ZNF331: variants seen among roughly 807,000 people sequenced by gnomAD.
ZNF331 encodes the protein zinc finger protein 331.
Under a neutral mutation model 7.0 loss-of-function variants are expected in ZNF331, and 2 were observed. That is an observed-to-expected ratio of 0.29 (90% confidence interval 0.12 to 0.90). ZNF331 has a LOEUF of 0.90. Ranked by LOEUF, ZNF331 falls within the 40% of genes least tolerant of loss-of-function variation. The probability of loss-of-function intolerance (pLI) is 0.58; values close to 1 mark genes in which losing one functional copy is unlikely to be tolerated. For synonymous variants in ZNF331, 196 were observed against 205.4 expected, an observed-to-expected ratio of 0.95 and a Z score of 0.39; for missense variants, 432 against 587.7, an observed-to-expected ratio of 0.74 and a Z score of 2.74.
chr19:53,511,492 C>A, the ZNF331 span, among the ~76,000 whole-genome samples: 2 of 151,540 alleles, frequency 1.3e-5, no homozygotes, highest in African/African-American at 4.8e-5. Flanking sequence ...ATCATATGAG[C>A]CAAAAACTAA....
chr19:53,507,154 C>A, the ZNF331 span, among the ~76,000 whole-genome samples: 3 of 152,120 alleles, frequency 2.0e-5, no homozygotes, highest in African/African-American at 4.8e-5. Context: ...TTGTAGATGA[C>A]AAAATGATTT....
Position 53,577,837 on chromosome 19 carries a change from T to C in ZNF331, c.1277T>C (p.Leu426Pro). The C allele has an allele frequency of 6.2e-7, 1 of 1,613,866 alleles. No individual in the cohort carries two copies. The highest frequency in any genetic ancestry group is 8.5e-7 in the Non-Finnish European group (1 of 1,179,998). Reference sequence around the variant, plus strand: ...AAGAGCTTTAGTCACGGCCATCAGCTTACACAACATCAGAAAACGCACAGT... The same window carrying C: ...AAGAGCTTTAGTCACGGCCATCAGCCTACACAACATCAGAAAACGCACAGT... ...CGKSFSHGHQ[L>P]TQHQKTHSGA... is the part of the protein sequence containing the mutation. Residue 426 changes from leucine (L) to proline (P), a missense_variant, in exon 6 of 6, where the codon CTT (leucine) becomes CCT (proline). Coordinates refer to ENST00000449416, the MANE Select transcript of ZNF331 (RefSeq NM_001079906.2).
the ZNF331 span, among the ~76,000 whole-genome samples, chr19:53,506,448 C>CTCTCTG: frequency 1.1e-4 from 5 of 44,788 alleles, no homozygotes; most frequent in East Asian, 6.9e-4. Context: ...CTCTCTGTCT[C>CTCTCTG]TCTCTCTCTC....
rs780864528 is a variant in ZNF331 at position 53,572,323 on chromosome 19, TAAC to T, written c.136+599_136+601del. On this transcript the variant is annotated intron_variant, in intron 5 of 5. Transcript: ENST00000449416. ...AAACTTATTTTTCTTCTAGCAAAAA[TAAC>T]AACAATGATATTAATGGCTAAGCTG... Among the ~76,000 whole-genome samples the T allele has an allele frequency of 1.7e-3, 262 of 151,990 alleles. 1 individual carries two copies. The highest frequency in any genetic ancestry group is 2.1e-3 in the Non-Finnish European group (145 of 67,986).
chr19:53,538,100 G>T (rs2087858640), upstream of ZNF331: 1 of 152,160 alleles, frequency 6.6e-6, no homozygotes, highest in Non-Finnish European at 1.5e-5. Flanking sequence ...GTGCGCGTGC[G>T]CATGCGCGCT....
At chr19:53,545,089 T>A (rs2088503756) in intron 2 of ZNF331, among the ~76,000 whole-genome samples, 1 of 152,232 alleles carries the variant, frequency 6.6e-6, no homozygotes, top group Non-Finnish European at 1.5e-5. Flanking sequence ...TGGATCTCTC[T>A]GTATTATTAT....
rs903108666 is a variant in ZNF331 at position 53,561,348 on chromosome 19, A to C, written c.-74+5440A>C. Reference sequence around the variant, plus strand: ...GGCCTGCTGGCCAAAAAAAAAAAAAAAAAACAAATTAGTCCCTGAGGAGCT... The same window carrying C: ...GGCCTGCTGGCCAAAAAAAAAAAAACAAAACAAATTAGTCCCTGAGGAGCT... On this transcript the variant is annotated intron_variant, in intron 3 of 5. Coordinates refer to ENST00000449416, the MANE Select transcript of ZNF331 (RefSeq NM_001079906.2). Among the ~76,000 whole-genome samples the C allele has an allele frequency of 3.1e-4, 47 of 152,036 alleles. 1 individual carries two copies. Among genetic ancestry groups the C allele is most frequent in the Middle Eastern group, 3.4e-3 (1 of 294 alleles).
At chr19:53,575,139 A>G (rs1329026545) in intron 5 of ZNF331, among the ~76,000 whole-genome samples, 1 of 151,178 alleles carries the variant, frequency 6.6e-6, no homozygotes, top group Non-Finnish European at 1.5e-5. Context: ...GGGTTTTGCT[A>G]TGTTTCCCAG....
chr19:53,537,315 T>C (rs2087796836), upstream of ZNF331: 1 of 152,290 alleles, frequency 6.6e-6, no homozygotes, highest in South Asian at 2.1e-4. Context: ...GTACATTGTT[T>C]ACAATGCAGC....
At position 53,576,693 on chromosome 19, in the gene ZNF331, C is replaced by G. The variant is rs755876770; in HGVS notation, c.137-4C>G. 21 of 1,577,904 alleles carry G rather than the reference C, an allele frequency of 1.3e-5. No individual in the cohort carries two copies. The highest frequency in any genetic ancestry group is 1.7e-5 in the Non-Finnish European group (20 of 1,165,008). ...AGGAAAGAAAATATGTTCTTTTTTCCCAGATTTGGAGTCAGCATATGAAAA... is the reference window on the plus strand; with the variant it reads ...AGGAAAGAAAATATGTTCTTTTTTCGCAGATTTGGAGTCAGCATATGAAAA... On this transcript the variant is annotated splice_region_variant and splice_polypyrimidine_tract_variant and intron_variant, in intron 5 of 5. Coordinates refer to ENST00000449416, the MANE Select transcript of ZNF331 (RefSeq NM_001079906.2).
At chr19:53,506,107 G>T in the ZNF331 span, among the ~76,000 whole-genome samples, 1 of 151,252 alleles carries the variant, frequency 6.6e-6, no homozygotes, top group African/African-American at 2.4e-5. Context: ...AGGCCGAGGC[G>T]GGTGGATCAC....
intron 2 of ZNF331, chr19:53,554,570 G>T (rs959841436): frequency 6.6e-6 from 1 of 152,186 alleles, no homozygotes; most frequent in Non-Finnish European, 1.5e-5. Flanking sequence ...AGGCTGACGC[G>T]GCGGCTCTAT....
the ZNF331 span, among the ~76,000 whole-genome samples, chr19:53,506,410 T>A: frequency 1.2e-5 from 1 of 80,002 alleles, no homozygotes; most frequent in Non-Finnish European, 2.4e-5. Flanking sequence ...ACTCTCTCTC[T>A]CCTCTCTCTC....
intron 2 of ZNF331, among the ~76,000 whole-genome samples, chr19:53,522,958 T>C (rs892028066): frequency 2.4e-4 from 36 of 152,214 alleles, no homozygotes; most frequent in African/African-American, 8.4e-4. Flanking sequence ...GGATTTATTT[T>C]TGGGTGGAAG....
chr19:53,571,473 G>T lies in ZNF331; in HGVS notation c.10-131G>T, dbSNP rs557004303. On this transcript the variant is annotated intron_variant, in intron 4 of 5. Coordinates refer to ENST00000449416, the MANE Select transcript of ZNF331 (RefSeq NM_001079906.2). This position sits in a 1 kb window ranked among gnomAD's most constrained non-coding sequence, Gnocchi z 4.7. ...TCACAGTTACAGTGATGTCCTTACC[G>T]CCCCTTGCCGATGTCACGGGTGTTC... 8.9e-7 allele frequency: 1 copy of T among 1,124,826 alleles called. No individual in the cohort carries two copies. The highest frequency in any genetic ancestry group is 1.3e-6 in the Non-Finnish European group (1 of 778,990). The allele number at this position is 1,124,826 out of a possible 1,614,324, so 69.7% of individuals were successfully genotyped here.
chr19:53,556,341 G>A (rs1474997343), intron 3 of ZNF331, among the ~76,000 whole-genome samples: 1 of 151,790 alleles, frequency 6.6e-6, no homozygotes, highest in Non-Finnish European at 1.5e-5. Flanking sequence ...GAAGAGAGGA[G>A]CCTGGTCACA....
At chr19:53,511,073 A>G in the ZNF331 span, among the ~76,000 whole-genome samples, 1 of 152,198 alleles carries the variant, frequency 6.6e-6, no homozygotes, top group Non-Finnish European at 1.5e-5. Flanking sequence ...CTACTATTCC[A>G]TATCCACAAC....
At chr19:53,508,883 A>T in the ZNF331 span, among the ~76,000 whole-genome samples, 6 of 152,198 alleles carry the variant, frequency 3.9e-5, no homozygotes, top group African/African-American at 1.4e-4. Flanking sequence ...AGATGAAATT[A>T]TAGGTACCAG....
chr19:53,513,072 T>G, the ZNF331 span, among the ~76,000 whole-genome samples: 1 of 151,636 alleles, frequency 6.6e-6, no homozygotes, highest in African/African-American at 2.4e-5. Context: ...CCTCTCCTCT[T>G]CCTTCTGGAC....
Sources: allele counts gnomAD v4.1 joint callset (sites outside exome capture counted in the v4.1 genomes callset), GRCh38; gene constraint gnomAD v4.1.1; non-coding constraint Gnocchi (gnomAD v3.1); transcripts MANE v1.5; gene names NCBI Gene and HGNC (gene_info 2026-07-23, HGNC 2026-07-21).